Variants in ADCK2 observed in about 807,000 individuals in gnomAD.
ADCK2 encodes uncharacterized aarF domain-containing protein kinase 2.
Under a neutral mutation model 52.3 loss-of-function variants are expected in ADCK2, and 37 were observed. That is an observed-to-expected ratio of 0.71 (90% confidence interval 0.54 to 0.93). The LOEUF is 0.93. ADCK2 is among the 40% of genes least tolerant of loss of function. ADCK2 has a pLI of 0.00. For synonymous variants in ADCK2, 321 were observed against 349.2 expected (o/e 0.92, Z 0.90); for missense variants, 695 against 798.7 (o/e 0.87, Z 1.56).
intron 4 of ADCK2, among the ~76,000 whole-genome samples, chr7:140,682,790 G>C (rs1454707930): frequency 7.5e-6 from 1 of 132,622 alleles, no homozygotes; most frequent in Non-Finnish European, 1.6e-5. Context: ...AGGGGTTTGA[G>C]ACCAGCCTGA....
Position 140,678,514 on chromosome 7 carries a change from C to T in ADCK2, c.1081-641C>T, listed in dbSNP as rs1339182172. ...GAAAGGACATCAGCTCCTGGGGGCACAGGAGACCCAGCCAAGACAGGACAG... is the reference window on the plus strand; with the variant it reads ...GAAAGGACATCAGCTCCTGGGGGCATAGGAGACCCAGCCAAGACAGGACAG... On this transcript the variant is annotated intron_variant, in intron 2 of 7. Coordinates refer to ENST00000072869, the MANE Select transcript of ADCK2 (RefSeq NM_052853.4). This position sits in a 1 kb window ranked among gnomAD's most constrained non-coding sequence, Gnocchi z 4.9. 1.3e-5 allele frequency among the ~76,000 whole-genome samples: 2 copies of T among 152,104 alleles called. No individual in the cohort carries two copies. The highest frequency in any genetic ancestry group is 4.8e-5 in the African/African-American group (2 of 41,414).
At chr7:140,683,345 C>T (rs1329367518) in intron 4 of ADCK2, among the ~76,000 whole-genome samples, 2 of 152,098 alleles carry the variant, frequency 1.3e-5, no homozygotes. Context: ...GAGGAATGCC[C>T]TAATGTCACA....
intron 4 of ADCK2, among the ~76,000 whole-genome samples, chr7:140,684,204 T>A (rs1010765839): frequency 1.3e-4 from 20 of 152,112 alleles, no homozygotes; most frequent in African/African-American, 4.6e-4. Context: ...GTTTACTAGC[T>A]CAGGGCAGAG....
rs566547891 is a variant in ADCK2, at chr7:140,683,694, G to C, written c.1305+2557G>C. ...CCAGAGCCGTGGTTTACAACAGGGT[G>C]GTTTTGTCTACCAGGGGACATCTGG... On this transcript the variant is annotated intron_variant, in intron 4 of 7. Transcript: ENST00000072869. 1.4e-3 allele frequency among the ~76,000 whole-genome samples: 220 copies of C among 152,296 alleles called. 2 individuals are homozygous for C. The highest frequency in any genetic ancestry group is 4.8e-3 in the African/African-American group (201 of 41,578).
chr7:140,692,276 G>A (rs4727036), intron 7 of ADCK2, among the ~76,000 whole-genome samples: 17,187 of 152,130 alleles, frequency 0.11, 1,144 homozygotes, highest in South Asian at 0.19. Context: ...CATATAAGTG[G>A]AATTATAAAG....
chr7:140,676,445 T>C (rs764930259), intron 2 of ADCK2, among the ~76,000 whole-genome samples: 1 of 152,238 alleles, frequency 6.6e-6, no homozygotes, highest in African/African-American at 2.4e-5. Context: ...ATAGCATCGA[T>C]TCCAACAACC....
In ADCK2 at chr7:140,694,877, G is replaced by T; in HGVS notation, c.*74G>T. On this transcript the variant is annotated 3_prime_UTR_variant, in exon 8 of 8. Transcript: ENST00000072869. Reference sequence around the variant, plus strand: ...CAAGAGCCTCTCCTATGGCAGCTGGGACGTTTTAAAATTGGGACACCAATT... The same window carrying T: ...CAAGAGCCTCTCCTATGGCAGCTGGTACGTTTTAAAATTGGGACACCAATT... 1 of 1,514,060 alleles carries T rather than the reference G, an allele frequency of 6.6e-7. No individual in the cohort carries two copies. 93.8% of individuals were successfully genotyped at this position (1,514,060 alleles called of 1,614,324 possible).
chr7:140,675,041 G>A (rs1001181598), intron 2 of ADCK2, among the ~76,000 whole-genome samples: 9 of 152,062 alleles, frequency 5.9e-5, no homozygotes, highest in African/African-American at 2.2e-4. Flanking sequence ...CCAGGAGTTC[G>A]AGATCAGCCT....
At chr7:140,681,566 CG>C (rs1165915532) in intron 4 of ADCK2, among the ~76,000 whole-genome samples, 1 of 151,692 alleles carries the variant, frequency 6.6e-6, no homozygotes, top group African/African-American at 2.4e-5. Context: ...ATGATCCACC[CG>C]CCTTGGCCTC....
chr7:140,689,622 T>C lies in ADCK2; in HGVS notation c.1583T>C (p.Leu528Pro), dbSNP rs749098062. The C allele has an allele frequency of 1.9e-6, 3 of 1,610,776 alleles. No homozygotes were observed. Among genetic ancestry groups the C allele is most frequent in the Non-Finnish European group, 2.5e-6 (3 of 1,178,084 alleles). ...GGCCAGAGAGTGGCTGAGCTGATCCTGCATCATGCCCGGGCCAGCGAGTGC... is the reference window on the plus strand; with the variant it reads ...GGCCAGAGAGTGGCTGAGCTGATCCCGCATCATGCCCGGGCCAGCGAGTGC... ...GQGQRVAELILHHARASECRD... is the reference protein window; with the variant it reads ...GQGQRVAELIPHHARASECRD... The change falls in exon 6 of 8, where the codon CTG becomes CCG. Residue 528 changes from leucine (L) to proline (P), a missense_variant. Physicochemically the swap from Leu to Pro is moderately conservative, Grantham distance 98. Transcript: ENST00000072869.
At position 140,694,700 on chromosome 7, in the gene ADCK2, C is replaced by T; in HGVS notation, c.1778C>T (p.Ala593Val). The T allele has an allele frequency of 6.2e-7, 1 of 1,614,054 alleles. No individual in the cohort carries two copies. The highest frequency in any genetic ancestry group is 8.5e-7 in the Non-Finnish European group (1 of 1,179,966). ...AGCAACTTTGCCTCCATTGTGTTTGCCATCATGGTGTTGGAGGGGCTTGGC... is the reference window on the plus strand; with the variant it reads ...AGCAACTTTGCCTCCATTGTGTTTGTCATCATGGTGTTGGAGGGGCTTGGC... ...LESNFASIVF[A>V]IMVLEGLGRS... The change falls in exon 8 of 8, where the codon GCC (alanine) becomes GTC (valine). Residue 593 changes from alanine to valine, a missense_variant. Coordinates refer to ENST00000072869, the MANE Select transcript of ADCK2 (RefSeq NM_052853.4).
chr7:140,686,841 A>C lies in ADCK2; in HGVS notation c.1306-149A>C. The C allele has an allele frequency of 3.0e-6, 3 of 1,003,776 alleles. No homozygotes were observed. The East Asian group carries it at 7.2e-5, about 24-fold the overall frequency. The allele number at this position is 1,003,776 out of a possible 1,614,324, so 62.2% of individuals were successfully genotyped here. ...ATCCTTGTACAAATTCTGAGTTGAC[A>C]TCTAAACAAGAAGGGTCTATAGGAC... On this transcript the variant is annotated intron_variant, in intron 4 of 7. Coordinates refer to ENST00000072869, the MANE Select transcript of ADCK2 (RefSeq NM_052853.4).
chr7:140,679,184 A>G lies in ADCK2; in HGVS notation c.1110A>G (p.Leu370=). The G allele has an allele frequency of 6.2e-7, 1 of 1,614,164 alleles. No homozygotes were observed. Among genetic ancestry groups the G allele is most frequent in the East Asian group, 2.2e-5 (1 of 44,882 alleles). The change falls in exon 3 of 8, where the codon CTA becomes CTG. Residue 370 remains leucine, a synonymous_variant. Transcript: ENST00000072869. ...QIDLRYEAQN[L]EHFQVNFRNV... The stretch of plus-strand genomic sequence containing the variant: ...ACCTGCGTTACGAAGCTCAGAATCT[A>G]GAACACTTCCAGGTCAACTTCCGGA...
At chr7:140,680,150 A>AT (rs34658235) in intron 3 of ADCK2, among the ~76,000 whole-genome samples, 4,737 of 141,428 alleles carry the variant, frequency 0.033, 96 homozygotes, top group South Asian at 0.049. Flanking sequence ...TGTTTTGACA[A>AT]TTTTTTTTTT....
In ADCK2 at chr7:140,674,361, C is replaced by T. The variant is rs1448390195; in HGVS notation, c.933+98C>T. 9 of 1,325,582 alleles carry T rather than the reference C, an allele frequency of 6.8e-6. No homozygotes were observed. Among genetic ancestry groups the T allele is most frequent in the Non-Finnish European group, 3.1e-6 (3 of 978,818 alleles). The allele number at this position is 1,325,582 out of a possible 1,614,324, so 82.1% of individuals were successfully genotyped here. ...TCGCCCCCACGTTTATTTCTATTTG[C>T]CTGACCAATATCTGAGTGCTTATTT... On this transcript the variant is annotated intron_variant, in intron 1 of 7. Coordinates refer to ENST00000072869, the MANE Select transcript of ADCK2 (RefSeq NM_052853.4). This position sits in a 1 kb window ranked among gnomAD's most constrained non-coding sequence, Gnocchi z 4.6.
At chr7:140,688,471 G>C (rs1038629778) in intron 5 of ADCK2, among the ~76,000 whole-genome samples, 2 of 152,216 alleles carry the variant, frequency 1.3e-5, no homozygotes, top group African/African-American at 4.8e-5. Flanking sequence ...CTGCCCTTAA[G>C]GGGCTTTCTG....
chr7:140,685,564 G>A (rs934052626), intron 4 of ADCK2, among the ~76,000 whole-genome samples: 1 of 152,114 alleles, frequency 6.6e-6, no homozygotes, highest in Non-Finnish European at 1.5e-5. Flanking sequence ...AGGTGTGCAG[G>A]TCCCAGCCCC....
chr7:140,687,479 C>G (rs750206086), intron 5 of ADCK2, among the ~76,000 whole-genome samples: 2 of 152,062 alleles, frequency 1.3e-5, no homozygotes, highest in Non-Finnish European at 2.9e-5. Flanking sequence ...CTTTGGGAGG[C>G]CAAGGCGGGT....
In ADCK2 at chr7:140,694,782, G is replaced by A. The variant is rs950600704; in HGVS notation, c.1860G>A (p.Thr620=). ...AGGCAGCGAGGCCCTTCCTCCTCAC[G>A]GGCCCAGTGTGCCCCCCGTGATGGG... ...ILEAARPFLL[T]GPVCPP Residue 620 remains threonine (T), a synonymous_variant, in exon 8 of 8, where the codon ACG becomes ACA. Transcript: ENST00000072869. 1.2e-5 allele frequency: 20 copies of A among 1,613,556 alleles called. No homozygotes were observed. Among genetic ancestry groups the A allele is most frequent in the Admixed American group, 3.3e-5 (2 of 59,934 alleles).
Sources: allele counts gnomAD v4.1 joint callset (sites outside exome capture counted in the v4.1 genomes callset), GRCh38; gene constraint gnomAD v4.1.1; non-coding constraint Gnocchi (gnomAD v3.1); transcripts MANE v1.5; gene names NCBI Gene and HGNC (gene_info 2026-07-23, HGNC 2026-07-21).